The following LRRTM4 variants were observed in gnomAD, a reference collection of about 807,000 sequenced individuals.
LRRTM4 encodes leucine rich repeat transmembrane neuronal 4.
LRRTM4 carries 25 observed loss-of-function variants against 47.6 expected under a neutral mutation model. The observed-to-expected ratio is 0.53, with a 90% CI of 0.38 to 0.73. LRRTM4 has a LOEUF of 0.73. Ranked by LOEUF, LRRTM4 falls within the 30% of genes least tolerant of loss-of-function variation. The pLI is 0.00. For synonymous variants in LRRTM4, 311 were observed against 269.5 expected (o/e 1.15, Z -1.51); for missense variants, 638 against 713.4 (o/e 0.89, Z 1.20).
intron 3 of LRRTM4, among the ~76,000 whole-genome samples, chr2:76,897,932 G>A (rs994937109): frequency 6.6e-6 from 1 of 152,150 alleles, no homozygotes; most frequent in Non-Finnish European, 1.5e-5. Flanking sequence ...TCAAAGGGAA[G>A]ACAATCTAAA....
chr2:76,880,194 T>G (rs893267135), intron 3 of LRRTM4, among the ~76,000 whole-genome samples: 13 of 152,118 alleles, frequency 8.5e-5, no homozygotes, highest in African/African-American at 3.1e-4. Flanking sequence ...GTGGGTGAAA[T>G]GCGGGTACAG....
In LRRTM4 at chr2:76,882,543, T is replaced by TAA. The variant is rs200659670; in HGVS notation, c.1552-133629_1552-133628dup. On this transcript the variant is annotated intron_variant, in intron 3 of 3. Transcript: ENST00000409884. ...CCCATCTCTATAAAAAGTTAAAAAA[T>TAA]AAAAAAAAAAATTAACCAAGCATGA... Among the ~76,000 whole-genome samples, 11 of 146,588 alleles carry TAA rather than the reference T, an allele frequency of 7.5e-5. No homozygotes were observed. The East Asian group carries it at 1.2e-3, about 16-fold the overall frequency.
chr2:76,921,836 T>C (rs1674442482), intron 3 of LRRTM4, among the ~76,000 whole-genome samples: 1 of 152,124 alleles, frequency 6.6e-6, no homozygotes, highest in South Asian at 2.1e-4. Flanking sequence ...AATCAGCCAT[T>C]TTTTATGGAG....
At chr2:76,925,847 T>G (rs576913693) in intron 3 of LRRTM4, among the ~76,000 whole-genome samples, 3 of 152,118 alleles carry the variant, frequency 2.0e-5, no homozygotes, top group East Asian at 1.9e-4. Flanking sequence ...CTCCCAAGAT[T>G]TGGGGAGAAA....
intron 3 of LRRTM4, among the ~76,000 whole-genome samples, chr2:76,950,301 G>A (rs1019672521): frequency 6.6e-6 from 1 of 151,868 alleles, no homozygotes; most frequent in African/African-American, 2.4e-5. Context: ...CACATATCCT[G>A]GAAGGCGTAT....
intron 3 of LRRTM4, among the ~76,000 whole-genome samples, chr2:77,514,484 C>T (rs1412020975): frequency 6.6e-6 from 1 of 151,948 alleles, no homozygotes; most frequent in African/African-American, 2.4e-5. Context: ...ATAACCTGAA[C>T]TGAAAACCAG....
chr2:77,068,477 A>G (rs1413104350), intron 3 of LRRTM4, among the ~76,000 whole-genome samples: 1 of 152,134 alleles, frequency 6.6e-6, no homozygotes, highest in Admixed American at 6.5e-5. Context: ...CTCAATGGGA[A>G]CCCCTGACAA....
chr2:76,971,347 G>A (rs1044971081), intron 3 of LRRTM4, among the ~76,000 whole-genome samples: 1 of 152,048 alleles, frequency 6.6e-6, no homozygotes, highest in African/African-American at 2.4e-5. Flanking sequence ...GTACACTGAA[G>A]TTTGACAACC....
intron 3 of LRRTM4, among the ~76,000 whole-genome samples, chr2:77,215,255 A>G (rs1449992033): frequency 6.6e-6 from 1 of 152,220 alleles, no homozygotes. Context: ...AGAAAAAATG[A>G]TTATGGAAGA....
chr2:77,371,854 AG>A (rs1355001163), intron 3 of LRRTM4, among the ~76,000 whole-genome samples: 1 of 151,790 alleles, frequency 6.6e-6, no homozygotes, highest in Non-Finnish European at 1.5e-5. Flanking sequence ...GAACCTTTGA[AG>A]GGAAGGAGAT....
intron 3 of LRRTM4, among the ~76,000 whole-genome samples, chr2:77,088,187 C>T (rs1680789686): frequency 6.6e-6 from 1 of 152,184 alleles, no homozygotes; most frequent in Admixed American, 6.5e-5. Context: ...TTACTGCCTA[C>T]GTGGTTAACC....
chr2:76,747,876 A>T lies in LRRTM4; in HGVS notation c.*819T>A, dbSNP rs969897029. ...GAGCCCATGGTCATATCTCTCTTAT[A>T]GCCTTAGTCCACATGAGAATGATTC... On this transcript the variant is annotated 3_prime_UTR_variant, in exon 4 of 4. Coordinates refer to ENST00000409884, the MANE Select transcript of LRRTM4 (RefSeq NM_001134745.3). 12 of 152,146 alleles carry T rather than the reference A, an allele frequency of 7.9e-5. No individual in the cohort carries two copies. Among genetic ancestry groups the T allele is most frequent in the Admixed American group, 7.9e-4 (12 of 15,282 alleles). 9.4% of individuals were successfully genotyped at this position (152,146 alleles called of 1,614,324 possible).
At chr2:76,957,099 G>A (rs1675699852) in intron 3 of LRRTM4, among the ~76,000 whole-genome samples, 2 of 151,676 alleles carry the variant, frequency 1.3e-5, no homozygotes, top group African/African-American at 2.4e-5. Context: ...AGAAAATATT[G>A]TTATATGCTA....
At chr2:77,225,864 A>G (rs1674789097) in intron 3 of LRRTM4, among the ~76,000 whole-genome samples, 1 of 152,002 alleles carries the variant, frequency 6.6e-6, no homozygotes, top group Non-Finnish European at 1.5e-5. Context: ...TTAAAGAGAA[A>G]ACAATTATAT....
At chr2:77,394,573 T>C (rs903262601) in intron 3 of LRRTM4, among the ~76,000 whole-genome samples, 1 of 151,816 alleles carries the variant, frequency 6.6e-6, no homozygotes, top group African/African-American at 2.4e-5. Flanking sequence ...TCAAGCGATG[T>C]GAGGGTGAAA....
At chr2:77,032,937 T>C (rs1309255850) in intron 3 of LRRTM4, among the ~76,000 whole-genome samples, 1 of 152,104 alleles carries the variant, frequency 6.6e-6, no homozygotes, top group Non-Finnish European at 1.5e-5. Flanking sequence ...GTTCTACTAA[T>C]TGTACTAAGT....
At chr2:77,042,158 G>A (rs879458032) in intron 3 of LRRTM4, among the ~76,000 whole-genome samples, 8 of 151,434 alleles carry the variant, frequency 5.3e-5, no homozygotes, top group South Asian at 2.1e-4. Context: ...TTAATTTCCC[G>A]ATTTTTGAGA....
At chr2:76,879,122 C>G (rs1354871711) in intron 3 of LRRTM4, among the ~76,000 whole-genome samples, 1 of 152,202 alleles carries the variant, frequency 6.6e-6, no homozygotes. Flanking sequence ...ATGTATAACT[C>G]TGCAGAAAGT....
intron 3 of LRRTM4, among the ~76,000 whole-genome samples, chr2:77,209,708 T>G (rs1398627195): frequency 4.6e-5 from 7 of 152,310 alleles, no homozygotes; most frequent in African/African-American, 1.7e-4. Flanking sequence ...TGCCATTTTC[T>G]AAAAGGCATA....
Sources: gnomAD v4.1 joint callset for allele counts (sites outside exome capture counted in the v4.1 genomes callset) on GRCh38, gnomAD v4.1.1 for gene constraint, MANE v1.5 for transcripts, NCBI Gene and HGNC (gene_info 2026-07-23, HGNC 2026-07-21) for gene names.